Variants in C1QTNF3 observed in about 807,000 individuals in gnomAD.
The protein encoded by C1QTNF3 is complement C1q tumor necrosis factor-related protein 3.
In C1QTNF3, 26 loss-of-function variants were observed where a neutral mutation model predicts 32.6. The ratio of observed to expected loss-of-function variants is 0.80; its 90% CI spans 0.58 to 1.11. The LOEUF (loss-of-function observed/expected upper bound fraction) is 1.11, where lower values mean the gene tolerates loss of function less well. Ranked by LOEUF, C1QTNF3 falls within the 50% of genes least tolerant of loss-of-function variation. The pLI, the probability that C1QTNF3 is intolerant of heterozygous loss-of-function variation, is 0.00. For missense variants in C1QTNF3, 362 were observed against 398.2 expected (o/e 0.91, Z 0.77); for synonymous variants, 155 against 146.0 (o/e 1.06, Z -0.44).
chr5:34,237,280 T>C, the C1QTNF3 span, among the ~76,000 whole-genome samples: 1 of 152,236 alleles, frequency 6.6e-6, no homozygotes, highest in East Asian at 1.9e-4. Flanking sequence ...TTTTCACACG[T>C]AACACCCTCC....
chr5:34,124,090 G>T, the C1QTNF3 span: 1 of 200,726 alleles, frequency 5.0e-6, no homozygotes, highest in Non-Finnish European at 1.0e-5. Context: ...TGTCAAGTCA[G>T]AAAGAAACAT....
chr5:34,019,516 A>G lies in C1QTNF3; in HGVS notation c.*1067T>C, dbSNP rs1471776188. ...ATCAATGTCTTAAAGGGTTGACATT[A>G]TAACAATGGAATAACTGAAAAGCGA... On this transcript the variant is annotated 3_prime_UTR_variant, in exon 6 of 6. Coordinates refer to ENST00000382065, the MANE Select transcript of C1QTNF3 (RefSeq NM_181435.6). The G allele has an allele frequency of 2.0e-5, 3 of 152,260 alleles. No individual in the cohort carries two copies. Among genetic ancestry groups the G allele is most frequent in the East Asian group, 1.9e-4 (1 of 5,198 alleles). 9.4% of individuals were successfully genotyped at this position (152,260 alleles called of 1,614,324 possible).
chr5:34,078,825 T>C, the C1QTNF3 span, among the ~76,000 whole-genome samples: 1 of 151,628 alleles, frequency 6.6e-6, no homozygotes, highest in Non-Finnish European at 1.5e-5. This position sits in a 1 kb window ranked among gnomAD's most constrained non-coding sequence, Gnocchi z 4.0. Flanking sequence ...AGTTCTAGAT[T>C]CTTTATATCG....
At chr5:34,174,542 A>G in the C1QTNF3 span, among the ~76,000 whole-genome samples, 1 of 151,914 alleles carries the variant, frequency 6.6e-6, no homozygotes, top group Non-Finnish European at 1.5e-5. Context: ...CTCACTTTTA[A>G]GCTTTAACCT....
chr5:34,183,823 A>C, the C1QTNF3 span, among the ~76,000 whole-genome samples: 1 of 152,252 alleles, frequency 6.6e-6, no homozygotes, highest in Non-Finnish European at 1.5e-5. Context: ...TAGATAAATA[A>C]AGTCAATTAA....
chr5:34,202,086 A>C, the C1QTNF3 span, among the ~76,000 whole-genome samples: 2 of 152,200 alleles, frequency 1.3e-5, no homozygotes, highest in African/African-American at 2.4e-5. Context: ...CATTTTTCTA[A>C]GTCTGATTCA....
the C1QTNF3 span, among the ~76,000 whole-genome samples, chr5:34,169,512 A>G: frequency 6.6e-6 from 1 of 152,166 alleles, no homozygotes; most frequent in African/African-American, 2.4e-5. Context: ...TTTGAAAATT[A>G]ATCCATTATC....
chr5:34,143,094 C>T, the C1QTNF3 span, among the ~76,000 whole-genome samples: 1 of 152,198 alleles, frequency 6.6e-6, no homozygotes, highest in African/African-American at 2.4e-5. Flanking sequence ...AAGAACCACA[C>T]TGAACTTCTA....
intron 3 of C1QTNF3, among the ~76,000 whole-genome samples, chr5:34,032,278 G>A (rs948550255): frequency 6.6e-6 from 1 of 152,156 alleles, no homozygotes; most frequent in Non-Finnish European, 1.5e-5. Flanking sequence ...GTTTAAGATC[G>A]TGTTGGCAAT....
chr5:34,201,187 G>A, the C1QTNF3 span, among the ~76,000 whole-genome samples: 2 of 151,492 alleles, frequency 1.3e-5, no homozygotes, highest in Non-Finnish European at 3.0e-5. Context: ...GAGCAAGCGT[G>A]TACTTTTGTT....
chr5:34,045,436 G>A (rs999074725), upstream of C1QTNF3, among the ~76,000 whole-genome samples: 1 of 152,188 alleles, frequency 6.6e-6, no homozygotes, highest in African/African-American at 2.4e-5. Context: ...TCCAGGGTTA[G>A]GAATCACTGA....
At chr5:34,045,813 C>T (rs1043411898), upstream of C1QTNF3, among the ~76,000 whole-genome samples, 1 of 152,066 alleles carries the variant, frequency 6.6e-6, no homozygotes, top group African/African-American at 2.4e-5. Context: ...GAAGGTCAGT[C>T]TGAGAGCTGC....
the C1QTNF3 span, among the ~76,000 whole-genome samples, chr5:34,203,229 C>T: frequency 6.6e-6 from 1 of 151,944 alleles, no homozygotes; most frequent in Non-Finnish European, 1.5e-5. Context: ...ACCACAAAGA[C>T]AAAGAGACAG....
chr5:34,068,788 G>T, the C1QTNF3 span, among the ~76,000 whole-genome samples: 1 of 152,154 alleles, frequency 6.6e-6, no homozygotes, highest in South Asian at 2.1e-4. Flanking sequence ...GTGGTTTACA[G>T]AGTGTAACAT....
the C1QTNF3 span, among the ~76,000 whole-genome samples, chr5:34,056,623 C>T: frequency 2.0e-5 from 3 of 151,296 alleles, no homozygotes; most frequent in Non-Finnish European, 4.4e-5. Context: ...AGTGATCCTC[C>T]GACCTCAGCT....
chr5:34,141,798 G>A, the C1QTNF3 span, among the ~76,000 whole-genome samples: 1 of 152,252 alleles, frequency 6.6e-6, no homozygotes, highest in South Asian at 2.1e-4. Flanking sequence ...AGCTCAGAGT[G>A]TCTGGGTGCT....
chr5:34,175,177 A>G, the C1QTNF3 span, among the ~76,000 whole-genome samples: 104 of 150,900 alleles, frequency 6.9e-4, 1 homozygote, highest in East Asian at 0.011. Context: ...CCAAGCAGCT[A>G]GGACTACAGG....
chr5:34,237,820 C>T, the C1QTNF3 span, among the ~76,000 whole-genome samples: 1 of 152,042 alleles, frequency 6.6e-6, no homozygotes, highest in South Asian at 2.1e-4. Context: ...ACACCTAACA[C>T]AAGAAACACA....
intron 1 of C1QTNF3, among the ~76,000 whole-genome samples, chr5:34,038,522 T>A (rs572827825): frequency 6.6e-6 from 1 of 152,304 alleles, no homozygotes; most frequent in South Asian, 2.1e-4. Context: ...GTCTCTCTGA[T>A]CTTCTTTCCA....
Sources: allele counts gnomAD v4.1 joint callset (sites outside exome capture counted in the v4.1 genomes callset), GRCh38; gene constraint gnomAD v4.1.1; non-coding constraint Gnocchi (gnomAD v3.1); transcripts MANE v1.5; gene names NCBI Gene and HGNC (gene_info 2026-07-23, HGNC 2026-07-21).